GPC5: variants seen among roughly 807,000 people sequenced by gnomAD.
The protein encoded by GPC5 is glypican 5, also known as glypican-5.
A neutral mutation model predicts 53.9 loss-of-function variants in GPC5; 47 were observed. That is an observed-to-expected ratio of 0.87 (90% CI 0.69 to 1.11). The LOEUF (loss-of-function observed/expected upper bound fraction) is 1.11. GPC5 is among the 50% of genes most tolerant of loss of function. The pLI is 0.00. For missense variants in GPC5, 748 were observed against 713.1 expected (o/e 1.05, Z -0.56); for synonymous variants, 286 against 263.3 (o/e 1.09, Z -0.84).
intron 2 of GPC5, among the ~76,000 whole-genome samples, chr13:91,651,343 T>C (rs2034704400): frequency 6.6e-6 from 1 of 152,226 alleles, no homozygotes; most frequent in Non-Finnish European, 1.5e-5. Context: ...AGTTTATTAA[T>C]ATTACCCTTT....
At chr13:92,166,213 T>C (rs2042026147) in intron 7 of GPC5, among the ~76,000 whole-genome samples, 1 of 152,154 alleles carries the variant, frequency 6.6e-6, no homozygotes, top group Non-Finnish European at 1.5e-5. Flanking sequence ...TGATTATATT[T>C]TTGAGAGGAC....
Position 92,184,700 on chromosome 13 carries a change from T to A in GPC5, c.1561+39711T>A, listed in dbSNP as rs766847404. On this transcript the variant is annotated intron_variant, in intron 7 of 7. Transcript: ENST00000377067. ...TTTTGTTTTATTTTAATTCAGCCTA[T>A]CTAAGTGTGTGTAATGAGAGAAAGT... is the stretch of plus-strand genomic sequence containing the variant. 2.0e-5 allele frequency among the ~76,000 whole-genome samples: 3 copies of A among 152,334 alleles called. No homozygotes were observed. The South Asian group carries it at 6.2e-4, about 32-fold the overall frequency.
In GPC5 at chr13:92,737,766, C is replaced by CTTT. The variant is rs33914729; in HGVS notation, c.1562-128501_1562-128499dup. Among the ~76,000 whole-genome samples, 298 of 102,108 alleles carry CTTT rather than the reference C, an allele frequency of 2.9e-3. 10 individuals are homozygous for CTTT. The highest frequency in any genetic ancestry group is 8.5e-3 in the African/African-American group (222 of 26,076). The allele number at this position is 102,108 out of a possible 152,430, so 67.0% of individuals were successfully genotyped here. ...TTTCTTTCTTTTTTTTTTTCTTTTT[C>CTTT]TTTTTTTTTTTTTTTTTGAGAGGGA... On this transcript the variant is annotated intron_variant, in intron 7 of 7. Transcript: ENST00000377067.
chr13:91,557,807 G>A (rs1359038356), intron 2 of GPC5, among the ~76,000 whole-genome samples: 4 of 152,036 alleles, frequency 2.6e-5, no homozygotes, highest in South Asian at 2.1e-4. Context: ...GTGCAAAGAG[G>A]CATTTCTGCC....
At chr13:91,674,281 A>G (rs969899471) in intron 2 of GPC5, among the ~76,000 whole-genome samples, 2 of 152,018 alleles carry the variant, frequency 1.3e-5, no homozygotes, top group Non-Finnish European at 2.9e-5. Flanking sequence ...AGACTATGGT[A>G]GATTGCCTTT....
intron 7 of GPC5, among the ~76,000 whole-genome samples, chr13:92,663,917 CAAAA>C (rs1491218515): frequency 8.1e-6 from 1 of 123,330 alleles, no homozygotes; most frequent in Non-Finnish European, 1.6e-5. Flanking sequence ...CACACACACA[CAAAA>C]ATTAGCTCGG....
rs571519120 is a variant in GPC5, at chr13:91,593,187, G to A, written c.326-100000G>A. ...TCACCCATTTCCCAGGAGCTGTTCA[G>A]GTCCTGGAACTACCCTCAGTAATCA... On this transcript the variant is annotated intron_variant, in intron 2 of 7. Coordinates refer to ENST00000377067, the MANE Select transcript of GPC5 (RefSeq NM_004466.6). Among the ~76,000 whole-genome samples the A allele has an allele frequency of 5.3e-5, 8 of 152,302 alleles. No homozygotes were observed. In the South Asian group the frequency reaches 1.4e-3, roughly 28 times the overall value.
chr13:92,148,986 T>A lies in GPC5; in HGVS notation c.1561+3997T>A, dbSNP rs2041888058. ...TTCTTATGTGATCTTATGATTTAAA[T>A]CACAATAATTACTTATAAAAAGTAA... On this transcript the variant is annotated intron_variant, in intron 7 of 7. Coordinates refer to ENST00000377067, the MANE Select transcript of GPC5 (RefSeq NM_004466.6). Among the ~76,000 whole-genome samples the A allele has an allele frequency of 2.0e-5, 3 of 152,162 alleles. No individual in the cohort carries two copies. In the South Asian group the frequency reaches 6.2e-4, roughly 32 times the overall value.
intron 2 of GPC5, among the ~76,000 whole-genome samples, chr13:91,619,022 G>T (rs916678612): frequency 6.6e-6 from 1 of 151,774 alleles, no homozygotes; most frequent in African/African-American, 2.4e-5. Context: ...AGGAAATTTG[G>T]CATTCTTTTC....
intron 7 of GPC5, among the ~76,000 whole-genome samples, chr13:92,717,880 G>A (rs1187919041): frequency 6.6e-6 from 1 of 151,964 alleles, no homozygotes; most frequent in Non-Finnish European, 1.5e-5. Flanking sequence ...CGCTTAATAA[G>A]CAGAAAATAT....
chr13:92,594,970 C>T lies in GPC5; in HGVS notation c.1562-271312C>T, dbSNP rs149349867. Among the ~76,000 whole-genome samples, 71 of 152,208 alleles carry T rather than the reference C, an allele frequency of 4.7e-4. No homozygotes were observed. In the East Asian group the frequency reaches 0.013, roughly 27 times the overall value. On this transcript the variant is annotated intron_variant, in intron 7 of 7. Transcript: ENST00000377067. Reference sequence around the variant, plus strand: ...AGGTGTTTATGTGAAAACATATGGTCCAGTGTGGTGAGTATAAGACCTGGT... The same window carrying T: ...AGGTGTTTATGTGAAAACATATGGTTCAGTGTGGTGAGTATAAGACCTGGT...
chr13:92,192,660 T>A (rs536899098), intron 7 of GPC5, among the ~76,000 whole-genome samples: 1 of 152,272 alleles, frequency 6.6e-6, no homozygotes, highest in Admixed American at 6.5e-5. Context: ...AGAACAGTGT[T>A]TATTAATTTT....
At position 92,866,803 on chromosome 13, in the gene GPC5, A is replaced by G. The variant is rs1213991847; in HGVS notation, c.*364A>G. 6.3e-6 allele frequency: 1 copy of G among 158,696 alleles called. No homozygotes were observed. The highest frequency in any genetic ancestry group is 1.4e-5 in the Non-Finnish European group (1 of 72,652). 9.8% of individuals were successfully genotyped at this position (158,696 alleles called of 1,614,324 possible). On this transcript the variant is annotated 3_prime_UTR_variant, in exon 8 of 8. Coordinates refer to ENST00000377067, the MANE Select transcript of GPC5 (RefSeq NM_004466.6). ...TAAATTAAAAATGTTTTCATTTGAA[A>G]GTGTATTTGCCAGACAATGAAAACA... is the stretch of plus-strand genomic sequence containing the variant.
intron 7 of GPC5, among the ~76,000 whole-genome samples, chr13:92,524,149 G>A (rs1000581428): frequency 5.9e-5 from 9 of 152,146 alleles, no homozygotes; most frequent in East Asian, 5.8e-4. Flanking sequence ...TGTAGCATGC[G>A]ATGATGTTTG....
intron 6 of GPC5, among the ~76,000 whole-genome samples, chr13:92,009,268 G>GTGTA (rs774987589): frequency 6.6e-6 from 1 of 151,410 alleles, no homozygotes; most frequent in Non-Finnish European, 1.5e-5. Flanking sequence ...GTGTGTGTGT[G>GTGTA]TGTGTGTGTG....
intron 7 of GPC5, among the ~76,000 whole-genome samples, chr13:92,637,802 C>CA (rs1174384065): frequency 6.6e-6 from 1 of 151,980 alleles, no homozygotes; most frequent in African/African-American, 2.4e-5. Context: ...GAAACAGACT[C>CA]ACAATGACAC....
intron 2 of GPC5, among the ~76,000 whole-genome samples, chr13:91,589,751 T>C (rs1438021458): frequency 2.0e-5 from 3 of 152,182 alleles, no homozygotes; most frequent in Non-Finnish European, 4.4e-5. Context: ...TGGGTGGCCA[T>C]GTGGCTAGAA....
intron 4 of GPC5, among the ~76,000 whole-genome samples, chr13:91,735,446 A>G (rs931255559): frequency 2.6e-5 from 4 of 151,114 alleles, no homozygotes; most frequent in Admixed American, 2.6e-4. Flanking sequence ...GCAGATTTTT[A>G]CTGATTTCTG....
intron 5 of GPC5, among the ~76,000 whole-genome samples, chr13:91,770,237 A>G (rs1489044123): frequency 6.6e-6 from 1 of 152,162 alleles, no homozygotes; most frequent in Admixed American, 6.6e-5. Flanking sequence ...TGGGCATGCC[A>G]TCCTCCCAGC....
Sources: allele counts gnomAD v4.1 joint callset (sites outside exome capture counted in the v4.1 genomes callset), GRCh38; gene constraint gnomAD v4.1.1; transcripts MANE v1.5; gene names NCBI Gene and HGNC (gene_info 2026-07-23, HGNC 2026-07-21).